Variants in NRXN3 observed in about 807,000 individuals in gnomAD.
NRXN3 encodes the protein neurexin 3.
A neutral mutation model predicts 137.6 loss-of-function variants in NRXN3; 32 were observed. The observed-to-expected ratio is 0.23, with a 90% CI of 0.18 to 0.31. The LOEUF (loss-of-function observed/expected upper bound fraction) is 0.31, where lower values mean the gene tolerates loss of function less well. NRXN3 is among the 10% of genes least tolerant of loss of function. The pLI is 1.00. For synonymous variants in NRXN3, 798 were observed against 784.5 expected (o/e 1.02, Z -0.29); for missense variants, 1,574 against 2,062.5 (o/e 0.76, Z 4.59).
intron 15 of NRXN3, among the ~76,000 whole-genome samples, chr14:79,405,903 T>C (rs1033358726): frequency 2.0e-5 from 3 of 152,156 alleles, no homozygotes; most frequent in Admixed American, 6.6e-5. Flanking sequence ...GAGAAAACCA[T>C]TATTTTACAA....
intron 15 of NRXN3, among the ~76,000 whole-genome samples, chr14:79,340,191 A>ATG (rs150036509): frequency 0.014 from 1,776 of 124,352 alleles, 34 homozygotes; most frequent in African/African-American, 0.048. Context: ...GTGTGTGTGT[A>ATG]TGTGTGTGAG....
chr14:79,854,998 A>G (rs1352265281), intron 20 of NRXN3, among the ~76,000 whole-genome samples: 1 of 152,150 alleles, frequency 6.6e-6, no homozygotes, highest in Non-Finnish European at 1.5e-5. Flanking sequence ...ACACACACAG[A>G]AGGCACACAC....
intron 15 of NRXN3, among the ~76,000 whole-genome samples, chr14:79,171,781 G>T (rs1303673034): frequency 1.3e-5 from 2 of 151,174 alleles, no homozygotes; most frequent in Non-Finnish European, 3.0e-5. Flanking sequence ...TTAAGTTCCT[G>T]TTTTTTGAGA....
At chr14:78,763,807 A>T (rs1001096838) in intron 8 of NRXN3, among the ~76,000 whole-genome samples, 5 of 152,180 alleles carry the variant, frequency 3.3e-5, no homozygotes, top group Admixed American at 3.3e-4. Flanking sequence ...ACCTACCTGG[A>T]GTAAGGATTC....
At chr14:79,296,541 G>A (rs1434761209) in intron 15 of NRXN3, among the ~76,000 whole-genome samples, 2 of 151,990 alleles carry the variant, frequency 1.3e-5, no homozygotes, top group African/African-American at 2.4e-5. Context: ...TGGTGAAGGA[G>A]TTTGGGGCTC....
intron 16 of NRXN3, among the ~76,000 whole-genome samples, chr14:79,563,925 C>A (rs1395419027): frequency 1.3e-5 from 2 of 151,830 alleles, no homozygotes; most frequent in Non-Finnish European, 2.9e-5. Flanking sequence ...GCCAAAATTG[C>A]TGCCCAGATG....
At chr14:79,509,149 G>A (rs993315519) in intron 16 of NRXN3, among the ~76,000 whole-genome samples, 4 of 152,170 alleles carry the variant, frequency 2.6e-5, no homozygotes, top group Admixed American at 6.5e-5. Context: ...AGCCAAAATC[G>A]TGCCACTGCA....
At chr14:78,832,654 A>C (rs1216005497) in intron 10 of NRXN3, among the ~76,000 whole-genome samples, 1 of 152,170 alleles carries the variant, frequency 6.6e-6, no homozygotes, top group African/African-American at 2.4e-5. Context: ...AAAGGCAGGC[A>C]CCATTGTAAG....
chr14:79,238,129 G>A (rs576652341), intron 15 of NRXN3, among the ~76,000 whole-genome samples: 4 of 152,166 alleles, frequency 2.6e-5, no homozygotes, highest in African/African-American at 9.6e-5. Context: ...TCAGGTGCAT[G>A]GGGGTCCTGG....
intron 15 of NRXN3, among the ~76,000 whole-genome samples, chr14:79,198,958 A>G (rs111508936): frequency 6.6e-6 from 1 of 152,166 alleles, no homozygotes; most frequent in African/African-American, 2.4e-5. Flanking sequence ...CGAAGTCAGG[A>G]GATGGAGACC....
chr14:78,269,053 AT>A (rs2072280014), intron 2 of NRXN3, among the ~76,000 whole-genome samples: 1 of 152,186 alleles, frequency 6.6e-6, no homozygotes, highest in South Asian at 2.1e-4. Context: ...GCACTTACAT[AT>A]TTGTGGCCTC....
intron 15 of NRXN3, among the ~76,000 whole-genome samples, chr14:79,343,052 G>C (rs1178497878): frequency 2.6e-5 from 4 of 152,092 alleles, no homozygotes; most frequent in African/African-American, 4.8e-5. Context: ...TCCTGGGTGT[G>C]GTGGCAGAAC....
chr14:79,005,113 C>T (rs2099549662), intron 15 of NRXN3, among the ~76,000 whole-genome samples: 1 of 152,232 alleles, frequency 6.6e-6, no homozygotes, highest in African/African-American at 2.4e-5. Flanking sequence ...CCTGACACTA[C>T]TTTCTGTGTC....
At chr14:78,493,299 A>G (rs1269087203) in intron 4 of NRXN3, among the ~76,000 whole-genome samples, 3 of 151,558 alleles carry the variant, frequency 2.0e-5, no homozygotes, top group South Asian at 2.1e-4. Context: ...AGGTGGGTGG[A>G]TCACCTGAAA....
chr14:79,441,366 CTTTTTTTTTTTTT>C (rs869170695), intron 15 of NRXN3, among the ~76,000 whole-genome samples: 40 of 67,252 alleles, frequency 5.9e-4, no homozygotes, highest in Admixed American at 2.8e-3. Context: ...AACAGAAAAT[CTTTTTTTTTTTTT>C]TTTTTTTTTT....
chr14:79,779,779 C>T (rs1015773736), intron 19 of NRXN3, among the ~76,000 whole-genome samples: 1 of 152,160 alleles, frequency 6.6e-6, no homozygotes, highest in African/African-American at 2.4e-5. Context: ...CAAGAGTAGA[C>T]CAGAGTATCC....
chr14:79,016,249 T>A (rs1172633823), intron 15 of NRXN3, among the ~76,000 whole-genome samples: 5 of 148,214 alleles, frequency 3.4e-5, no homozygotes, highest in Non-Finnish European at 6.0e-5. Flanking sequence ...ACCTGGGCCA[T>A]CCTTTTCTAC....
chr14:79,056,214 GT>G (rs938378038), intron 15 of NRXN3, among the ~76,000 whole-genome samples: 3 of 152,128 alleles, frequency 2.0e-5, no homozygotes, highest in Non-Finnish European at 2.9e-5. Flanking sequence ...AGTTAAAAAA[GT>G]ATTTGGAGAG....
chr14:78,931,880 C>T (rs154337), intron 10 of NRXN3, among the ~76,000 whole-genome samples: 27,410 of 151,988 alleles, frequency 0.18, 3,622 homozygotes, highest in East Asian at 0.39. Context: ...GGCGCGGTGG[C>T]TCACACCTGT....
Sources: allele counts gnomAD v4.1 joint callset (sites outside exome capture counted in the v4.1 genomes callset), GRCh38; gene constraint gnomAD v4.1.1; transcripts MANE v1.5; gene names NCBI Gene and HGNC (gene_info 2026-07-23, HGNC 2026-07-21).